The following CNNM2 variants were observed in gnomAD, a reference collection of about 807,000 sequenced individuals.
The protein encoded by CNNM2 is cyclin and CBS domain divalent metal cation transport mediator 2.
A neutral mutation model predicts 66.9 loss-of-function variants in CNNM2; 12 were observed. The observed-to-expected ratio is 0.18, with a 90% CI of 0.11 to 0.29. CNNM2 has a LOEUF of 0.29. Ranked by LOEUF, CNNM2 falls within the 10% of genes least tolerant of loss-of-function variation. The pLI, the probability that CNNM2 is intolerant of heterozygous loss-of-function variation, is 1.00. For missense variants in CNNM2, 705 were observed against 1,167.7 expected (o/e 0.60, Z 5.77); for synonymous variants, 557 against 501.8 (o/e 1.11, Z -1.47).
chr10:103,075,377 C>G (rs2065671747), intron 6 of CNNM2, among the ~76,000 whole-genome samples: 1 of 152,166 alleles, frequency 6.6e-6, no homozygotes, highest in Non-Finnish European at 1.5e-5. Flanking sequence ...AGTGAACTTC[C>G]ATTTAAGAGC....
rs1442098090 is a variant in CNNM2 at position 103,087,388 on chromosome 10, A to T, written c.*10208A>T. 1.3e-5 allele frequency: 2 copies of T among 151,974 alleles called. No homozygotes were observed. The highest frequency in any genetic ancestry group is 2.9e-5 in the Non-Finnish European group (2 of 68,004). The allele number at this position is 151,974 out of a possible 1,614,324, so 9.4% of individuals were successfully genotyped here. On this transcript the variant is annotated 3_prime_UTR_variant, in exon 8 of 8. Coordinates refer to ENST00000369878, the MANE Select transcript of CNNM2 (RefSeq NM_017649.5). ...CTCTTGAATACGTTTTGGTGGTCCT[A>T]CGGAGAGCTGTAACTAGCAGTGGAG... is the stretch of plus-strand genomic sequence containing the variant.
intron 4 of CNNM2, among the ~76,000 whole-genome samples, chr10:103,060,410 C>T (rs1273157413): frequency 6.6e-6 from 1 of 151,838 alleles, no homozygotes; most frequent in East Asian, 1.9e-4. Flanking sequence ...AAAATACAAA[C>T]ATCAGCTAGG....
At chr10:102,988,906 A>G (rs2063846345) in intron 1 of CNNM2, among the ~76,000 whole-genome samples, 1 of 152,192 alleles carries the variant, frequency 6.6e-6, no homozygotes, top group Non-Finnish European at 1.5e-5. Context: ...GTCACCTGTG[A>G]ATGAGCCCTT....
chr10:103,054,392 A>T lies in CNNM2; in HGVS notation c.1829A>T (p.Lys610Met). ...RERKQDFSAF[K>M]QTDSEMKVKI... ...CGAAAGCAAGATTTTTCTGCCTTTA[A>T]GCAGACAGACAGTGAGATGAAGGTT... is the stretch of plus-strand genomic sequence containing the variant. Residue 610 changes from lysine to methionine, a missense_variant, in exon 3 of 8, where the codon AAG (lysine) becomes ATG (methionine). Around this residue, in one of 9 missense-constraint regions of CNNM2, gnomAD observed 171 missense variants for 304.8 expected, o/e 0.56. Coordinates refer to ENST00000369878, the MANE Select transcript of CNNM2 (RefSeq NM_017649.5). This position sits in a 1 kb window ranked among gnomAD's most constrained non-coding sequence, Gnocchi z 5.2. 1 of 1,613,918 alleles carries T rather than the reference A, an allele frequency of 6.2e-7. No homozygotes were observed.
At chr10:103,035,139 T>TA (rs1291571444) in intron 1 of CNNM2, among the ~76,000 whole-genome samples, 1 of 152,068 alleles carries the variant, frequency 6.6e-6, no homozygotes, top group African/African-American at 2.4e-5. Context: ...AAATAACTCC[T>TA]ACTATTATTG....
intron 1 of CNNM2, among the ~76,000 whole-genome samples, chr10:102,987,512 G>T (rs1431120900): frequency 1.3e-5 from 2 of 151,878 alleles, no homozygotes; most frequent in Non-Finnish European, 2.9e-5. Flanking sequence ...TAGTAGAGGT[G>T]GGGTTTCACC....
chr10:102,936,759 G>T (rs1846256793), intron 1 of CNNM2, among the ~76,000 whole-genome samples: 1 of 152,140 alleles, frequency 6.6e-6, no homozygotes, highest in Admixed American at 6.5e-5. Context: ...TTTTGATGTG[G>T]TGGGTTTAGG....
intron 1 of CNNM2, among the ~76,000 whole-genome samples, chr10:102,939,979 A>AAC (rs1554889954): frequency 1.3e-5 from 2 of 150,810 alleles, no homozygotes; most frequent in African/African-American, 2.4e-5. Context: ...AAAAACAAAC[A>AAC]AACAACAACA....
Position 103,079,014 on chromosome 10 carries a change from C to T in CNNM2, c.*1834C>T, listed in dbSNP as rs1376786028. ...TTAGTGGGGGGAAGTACTGATCTCA[C>T]TTGGTGTAGAGGGTCACAGGGACCC... On this transcript the variant is annotated 3_prime_UTR_variant, in exon 8 of 8. Coordinates refer to ENST00000369878, the MANE Select transcript of CNNM2 (RefSeq NM_017649.5). 2.0e-5 allele frequency: 3 copies of T among 152,268 alleles called. No individual in the cohort carries two copies. Among genetic ancestry groups the T allele is most frequent in the South Asian group, 2.1e-4 (1 of 4,828 alleles). The allele number at this position is 152,268 out of a possible 1,614,324, so 9.4% of individuals were successfully genotyped here.
chr10:103,089,780 C>G lies in CNNM2; in HGVS notation c.*12600C>G, dbSNP rs780915906. On this transcript the variant is annotated 3_prime_UTR_variant, in exon 8 of 8. Transcript: ENST00000369878. Reference sequence around the variant, plus strand: ...TGGGAGGTTTAATCTCACTAATTGACCGTGTCAGCTGGTGCCGCTTGTAGT... The same window carrying G: ...TGGGAGGTTTAATCTCACTAATTGAGCGTGTCAGCTGGTGCCGCTTGTAGT... The G allele has an allele frequency of 1.9e-6, 3 of 1,613,898 alleles. No individual in the cohort carries two copies. In the South Asian group the frequency reaches 3.3e-5, roughly 18 times the overall value.
At chr10:103,047,327 C>CAGTA (rs1287881662) in intron 1 of CNNM2, among the ~76,000 whole-genome samples, 1 of 152,152 alleles carries the variant, frequency 6.6e-6, no homozygotes, top group African/African-American at 2.4e-5. Context: ...GAGGCCTGAC[C>CAGTA]AGTACCCTTC....
intron 1 of CNNM2, chr10:102,927,290 G>C: frequency 6.2e-7 from 1 of 1,608,588 alleles, no homozygotes. Flanking sequence ...GGATCACTAG[G>C]ATTGAATACA....
intron 1 of CNNM2, among the ~76,000 whole-genome samples, chr10:103,033,162 TC>T (rs749077144): frequency 1.5e-4 from 23 of 151,844 alleles, no homozygotes; most frequent in South Asian, 6.2e-4. Flanking sequence ...ATTTTTGTCT[TC>T]TATACATTTT....
chr10:103,023,449 G>A (rs2064633090), intron 1 of CNNM2, among the ~76,000 whole-genome samples: 1 of 152,166 alleles, frequency 6.6e-6, no homozygotes, highest in Non-Finnish European at 1.5e-5. Context: ...TCAGGAGGCT[G>A]AGGCAGGAGA....
At chr10:103,073,671 C>A (rs915404025) in intron 6 of CNNM2, among the ~76,000 whole-genome samples, 4 of 151,522 alleles carry the variant, frequency 2.6e-5, no homozygotes, top group Admixed American at 6.6e-5. Context: ...ACCATCCTGG[C>A]TAACAAGGTG....
rs1369457051 is a variant in CNNM2, at chr10:103,083,749, A to AG, written c.*6569_*6570insG. 6.6e-6 allele frequency: 1 copy of AG among 152,204 alleles called. No individual in the cohort carries two copies. Among genetic ancestry groups the AG allele is most frequent in the Non-Finnish European group, 1.5e-5 (1 of 68,058 alleles). The allele number at this position is 152,204 out of a possible 1,614,324, so 9.4% of individuals were successfully genotyped here. On this transcript the variant is annotated 3_prime_UTR_variant, in exon 8 of 8. Coordinates refer to ENST00000369878, the MANE Select transcript of CNNM2 (RefSeq NM_017649.5). ...CATTGGCTGCTCAGTCACTAATAAC[A>AG]ACACACAGTGCCGCTGGGCTAAGCC...
intron 1 of CNNM2, among the ~76,000 whole-genome samples, chr10:103,013,209 A>C (rs1186833273): frequency 1.3e-5 from 2 of 152,198 alleles, no homozygotes; most frequent in Admixed American, 6.6e-5. Context: ...TTTTTGTCAA[A>C]TCCAGACACC....
chr10:103,049,253 A>G (rs2065177768), intron 1 of CNNM2, among the ~76,000 whole-genome samples: 1 of 152,222 alleles, frequency 6.6e-6, no homozygotes, highest in Non-Finnish European at 1.5e-5. Context: ...CATCTGTGCT[A>G]AGGTGCCTTT....
chr10:102,964,809 C>A (rs1289959496), intron 1 of CNNM2, among the ~76,000 whole-genome samples: 1 of 152,062 alleles, frequency 6.6e-6, no homozygotes, highest in Non-Finnish European at 1.5e-5. Flanking sequence ...TGAGTGGATC[C>A]CCTCCAAAAT....
Sources: gnomAD v4.1 joint callset for allele counts (sites outside exome capture counted in the v4.1 genomes callset) on GRCh38, gnomAD v4.1.1 for gene constraint, gnomAD v4.1.1 regional missense constraint, Gnocchi (gnomAD v3.1) non-coding constraint, MANE v1.5 for transcripts, NCBI Gene and HGNC (gene_info 2026-07-23, HGNC 2026-07-21) for gene names.